HIF3A: variants seen among roughly 807,000 people sequenced by gnomAD.
HIF3A encodes hypoxia inducible factor 3 subunit alpha, also known as hypoxia-inducible factor 3-alpha.
Under a neutral mutation model 67.2 loss-of-function variants are expected in HIF3A, and 41 were observed. The observed-to-expected ratio is 0.61, with a 90% CI of 0.48 to 0.79. The LOEUF is 0.79. HIF3A is among the 30% of genes least tolerant of loss of function. HIF3A has a pLI of 0.00. For synonymous variants in HIF3A, 356 were observed against 374.8 expected (o/e 0.95, Z 0.58); for missense variants, 855 against 898.0 (o/e 0.95, Z 0.61).
Position 46,324,911 on chromosome 19 carries a change from C to A in HIF3A, c.1336-624C>A, listed in dbSNP as rs534925621. Among the ~76,000 whole-genome samples the A allele has an allele frequency of 2.1e-5, 3 of 143,828 alleles. No individual in the cohort carries two copies. The East Asian group carries it at 6.3e-4, about 30-fold the overall frequency. 94.4% of individuals were successfully genotyped at this position (143,828 alleles called of 152,430 possible). The stretch of plus-strand genomic sequence containing the variant: ...TTATTTATATATATATATATATACA[C>A]ACACACATATATATATACACATATA... On this transcript the variant is annotated intron_variant, in intron 10 of 14. Transcript: ENST00000377670.
At chr19:46,304,336 T>C in intron 2 of HIF3A, 2 of 561,868 alleles carry the variant, frequency 3.6e-6, no homozygotes, top group Non-Finnish European at 6.3e-6. Context: ...GCCCCGCCCC[T>C]GGAACGCGCC....
rs1262432224 is a variant in HIF3A at position 46,340,692 on chromosome 19, G to A, written c.*1070G>A. On this transcript the variant is annotated 3_prime_UTR_variant, in exon 15 of 15. Transcript: ENST00000377670. ...ATTTTTGTATTTTTAGTAGAGATGG[G>A]GTTTCACCACGTTGTCCAGTCTGGT... is the stretch of plus-strand genomic sequence containing the variant. 1 of 152,212 alleles carries A rather than the reference G, an allele frequency of 6.6e-6. No homozygotes were observed. The highest frequency in any genetic ancestry group is 1.5e-5 in the Non-Finnish European group (1 of 68,084). 9.4% of individuals were successfully genotyped at this position (152,212 alleles called of 1,614,324 possible).
At position 46,342,470 on chromosome 19, in the gene HIF3A, A is replaced by G. The variant is rs1429768571; in HGVS notation, c.*2848A>G. 1 of 151,814 alleles carries G rather than the reference A, an allele frequency of 6.6e-6. No individual in the cohort carries two copies. The highest frequency in any genetic ancestry group is 1.5e-5 in the Non-Finnish European group (1 of 67,998). 9.4% of individuals were successfully genotyped at this position (151,814 alleles called of 1,614,324 possible). On this transcript the variant is annotated 3_prime_UTR_variant, in exon 15 of 15. Transcript: ENST00000377670. ...GGCTGGTCGCGAACTACTGAGCTCA[A>G]GCAATTCTCCCTCCTTGGCCTCACC...
At chr19:46,319,564 A>G (rs1970197887) in intron 8 of HIF3A, among the ~76,000 whole-genome samples, 1 of 152,206 alleles carries the variant, frequency 6.6e-6, no homozygotes, top group Non-Finnish European at 1.5e-5. Context: ...CTATGAATAG[A>G]AACAGCATAA....
rs769299242 is a variant in HIF3A at position 46,308,262 on chromosome 19, CT to C, written c.406del (p.Cys136ValfsTer10). ...ACAGCATCTTTGATTTCATCCACCCCTGTGACCAAGAGGAGCTTCAGGACGC... is the reference window on the plus strand; with the variant it reads ...ACAGCATCTTTGATTTCATCCACCCCGTGACCAAGAGGAGCTTCAGGACGC... The part of the protein sequence containing the change: ...GHSIFDFIHP[C>X]DQEELQDALT... On this transcript the variant is annotated frameshift_variant, in exon 4 of 15. Coordinates refer to ENST00000377670, the MANE Select transcript of HIF3A (RefSeq NM_152795.4). LOFTEE classifies it high-confidence loss of function. 1 of 1,613,964 alleles carries C rather than the reference CT, an allele frequency of 6.2e-7. No individual in the cohort carries two copies. The highest frequency in any genetic ancestry group is 2.2e-5 in the East Asian group (1 of 44,872).
At chr19:46,298,948 T>C (rs1968095455) in intron 1 of HIF3A, among the ~76,000 whole-genome samples, 1 of 152,158 alleles carries the variant, frequency 6.6e-6, no homozygotes, top group African/African-American at 2.4e-5. Flanking sequence ...GCCCTGAATG[T>C]GGGCAGGGAC....
At chr19:46,309,544 A>G (rs1969245486) in intron 6 of HIF3A, among the ~76,000 whole-genome samples, 185 bp downstream of exon 6, 1 of 150,934 alleles carries the variant, frequency 6.6e-6, no homozygotes, top group Non-Finnish European at 1.5e-5. Context: ...CTTTTTTTGT[A>G]AAATCGCTGC....
At chr19:46,331,329 C>T in intron 13 of HIF3A, 56 bp downstream of exon 13, 1 of 1,416,404 alleles carries the variant, frequency 7.1e-7, no homozygotes. Context: ...TGGCTTAAAC[C>T]TACTGTTTTA....
At chr19:46,310,925 A>G (rs1158325378) in intron 6 of HIF3A, among the ~76,000 whole-genome samples, 1 of 151,884 alleles carries the variant, frequency 6.6e-6, no homozygotes, top group Non-Finnish European at 1.5e-5. Context: ...TACTTTTTGT[A>G]TTTTTAGTAG....
At chr19:46,319,978 A>C (rs1483655720) in intron 8 of HIF3A, among the ~76,000 whole-genome samples, 3 of 152,094 alleles carry the variant, frequency 2.0e-5, no homozygotes, top group Admixed American at 6.6e-5. Flanking sequence ...GCCTGTAATC[A>C]TAGCACTTTG....
chr19:46,317,359 A>G (rs891331648), intron 8 of HIF3A, among the ~76,000 whole-genome samples: 1 of 151,950 alleles, frequency 6.6e-6, no homozygotes, highest in Non-Finnish European at 1.5e-5. Flanking sequence ...CAGGCCTACA[A>G]ATCAACTTAT....
intron 1 of HIF3A, among the ~76,000 whole-genome samples, chr19:46,300,478 T>C (rs1486383717): frequency 2.0e-5 from 3 of 152,086 alleles, no homozygotes; most frequent in Non-Finnish European, 2.9e-5. Flanking sequence ...CTGGCCAACA[T>C]AGTGAAACCC....
chr19:46,298,692 C>T (rs1479752838), intron 1 of HIF3A, among the ~76,000 whole-genome samples: 1 of 152,190 alleles, frequency 6.6e-6, no homozygotes, highest in East Asian at 1.9e-4. Flanking sequence ...CAGCACCCTA[C>T]CAGATTACCA....
Position 46,325,553 on chromosome 19 carries a change from C to A in HIF3A, c.1354C>A (p.Leu452Ile), listed in dbSNP as rs1450308067. 6.2e-7 allele frequency: 1 copy of A among 1,612,914 alleles called. No individual in the cohort carries two copies. Residue 452 changes from leucine to isoleucine, a missense_variant, in exon 11 of 15, where the codon CTA becomes ATA. Leu to Ile is a conservative substitution (Grantham distance 5). Around this residue, in one of 3 missense-constraint regions of HIF3A, gnomAD observed 638 missense variants for 660.5 expected, o/e 0.97. Coordinates refer to ENST00000377670, the MANE Select transcript of HIF3A (RefSeq NM_152795.4). Reference protein sequence around the residue: ...SPLSADLPDELPVGTENVHRL... With the variant: ...SPLSADLPDEIPVGTENVHRL... ...TCCACAGGCTGATCTCCCAGATGAACTACCTGTGGGCACCGAGAATGTGCA... is the reference window on the plus strand; with the variant it reads ...TCCACAGGCTGATCTCCCAGATGAAATACCTGTGGGCACCGAGAATGTGCA...
At chr19:46,300,977 C>G (rs1485405786) in intron 1 of HIF3A, among the ~76,000 whole-genome samples, 2 of 151,976 alleles carry the variant, frequency 1.3e-5, no homozygotes, top group African/African-American at 4.8e-5. Flanking sequence ...GTTCCCACTC[C>G]CTGTTCCCTG....
intron 14 of HIF3A, 49 bp from the exon 15 acceptor site, chr19:46,339,476 A>G: frequency 1.6e-6 from 2 of 1,266,728 alleles, no homozygotes; most frequent in Non-Finnish European, 2.2e-6. Context: ...CCTGTGATTT[A>G]TCTTTCGTCT....
At position 46,319,714 on chromosome 19, in the gene HIF3A, T is replaced by C. The variant is rs73940667; in HGVS notation, c.1026-729T>C. 5.2e-3 allele frequency among the ~76,000 whole-genome samples: 799 copies of C among 152,268 alleles called. 6 individuals are homozygous for C. Among genetic ancestry groups the C allele is most frequent in the African/African-American group, 0.018 (751 of 41,548 alleles). ...TAAGTAAAAATCTATAAAGAGAATA[T>C]TTAGTTATTCTGAAGCCTTTCGCTC... On this transcript the variant is annotated intron_variant, in intron 8 of 14. Transcript: ENST00000377670.
At chr19:46,323,774 G>A (rs889206573) in intron 10 of HIF3A, among the ~76,000 whole-genome samples, 1 of 152,046 alleles carries the variant, frequency 6.6e-6, no homozygotes, top group East Asian at 1.9e-4. Context: ...CTTACATGGC[G>A]GCAGGCAAGA....
intron 8 of HIF3A, among the ~76,000 whole-genome samples, chr19:46,317,017 GC>G (rs1402996156): frequency 6.6e-6 from 1 of 151,970 alleles, no homozygotes; most frequent in Non-Finnish European, 1.5e-5. Flanking sequence ...AACAGGGCTC[GC>G]TGCAGCCCTG....
Sources: allele counts gnomAD v4.1 joint callset (sites outside exome capture counted in the v4.1 genomes callset), GRCh38; gene constraint gnomAD v4.1.1; regional missense constraint gnomAD v4.1.1; transcripts MANE v1.5; gene names NCBI Gene and HGNC (gene_info 2026-07-23, HGNC 2026-07-21).